Variants in ROS1 observed in about 807,000 individuals in gnomAD.
ROS1 encodes the protein ROS proto-oncogene 1, receptor tyrosine kinase.
Under a neutral mutation model 273.5 loss-of-function variants are expected in ROS1, and 263 were observed. The ratio of observed to expected loss-of-function variants is 0.96; its 90% CI spans 0.87 to 1.06. The LOEUF is 1.06. Among genes scored for constraint, ROS1 ranks in the 50% least tolerant of loss-of-function variants. The pLI is 0.00. For missense variants in ROS1, 2,833 were observed against 2,751.1 expected (o/e 1.03, Z -0.67); for synonymous variants, 1,008 against 954.1 (o/e 1.06, Z -1.04).
chr6:117,413,201 C>G (rs765978874), intron 4 of ROS1, among the ~76,000 whole-genome samples: 4 of 152,166 alleles, frequency 2.6e-5, no homozygotes, highest in African/African-American at 9.7e-5. Flanking sequence ...ATAATTTATA[C>G]TGCTTCCCCA....
chr6:117,403,088 A>T, intron 7 of ROS1, 51 bp downstream of exon 7: 1 of 1,597,046 alleles, frequency 6.3e-7, no homozygotes, highest in Non-Finnish European at 8.6e-7. Context: ...AACAAACTAA[A>T]TCAAAGCTTT....
rs370745969 is a variant in ROS1 at position 117,325,896 on chromosome 6, T to C, written c.5539+328A>G. 2.6e-4 allele frequency among the ~76,000 whole-genome samples: 39 copies of C among 151,900 alleles called. 1 individual carries two copies. In the East Asian group the frequency reaches 4.7e-3, roughly 18 times the overall value. On this transcript the variant is annotated intron_variant, in intron 34 of 43. Transcript: ENST00000368507. ...AGGAGTGGTCATAAGGCTGGTATAA[T>C]GTGAATAGAATTATATGGCTGGATA... is the stretch of plus-strand genomic sequence containing the variant.
In ROS1 at chr6:117,403,310, T is replaced by C. The variant is rs748646555; in HGVS notation, c.466-33A>G. 20 of 1,601,528 alleles carry C rather than the reference T, an allele frequency of 1.2e-5. No individual in the cohort carries two copies. The South Asian group carries it at 2.1e-4, about 17-fold the overall frequency. On this transcript the variant is annotated intron_variant, in intron 6 of 43. Transcript: ENST00000368507. ...AAGGAGTGATCAATCATCAGCATTA[T>C]AGAATCAGCACCCCACATTGGGACT...
At chr6:117,296,020 C>G (rs2128529107) in intron 43 of ROS1, among the ~76,000 whole-genome samples, 1 of 152,310 alleles carries the variant, frequency 6.6e-6, no homozygotes, top group Middle Eastern at 3.4e-3. Flanking sequence ...ATCAGTACAT[C>G]AAAGAGATAT....
rs754434264 is a variant in ROS1, at chr6:117,319,862, C to G, written c.5922+6G>C. ...ATGTGTCAAGGAGTTCGAAGATTCA[C>G]ATTACCTTCACTGCTACTTTGATTT... On this transcript the variant is annotated splice_donor_region_variant and intron_variant, in intron 37 of 43. Coordinates refer to ENST00000368507, the MANE Select transcript of ROS1 (RefSeq NM_001378902.1). 11 of 1,611,822 alleles carry G rather than the reference C, an allele frequency of 6.8e-6. No homozygotes were observed. The South Asian group carries it at 9.9e-5, about 15-fold the overall frequency.
chr6:117,301,388 T>C (rs565155014), intron 42 of ROS1: 20 of 319,972 alleles, frequency 6.3e-5, no homozygotes, highest in African/African-American at 2.4e-4. Flanking sequence ...AATAAATAGA[T>C]GGATAAGTAG....
At position 117,362,660 on chromosome 6, in the gene ROS1, G is replaced by A. The variant is rs749751690; in HGVS notation, c.3309C>T (p.Pro1103=). The A allele has an allele frequency of 8.1e-6, 13 of 1,613,182 alleles. No homozygotes were observed. Among genetic ancestry groups the A allele is most frequent in the Non-Finnish European group, 7.6e-6 (9 of 1,179,322 alleles). Reference sequence around the variant, plus strand: ...CTTCAAGTTGAAAAGACATCACTGAGGGAGTGACATTGACAGCAATCCAGT... The same window carrying A: ...CTTCAAGTTGAAAAGACATCACTGAAGGAGTGACATTGACAGCAATCCAGT... ...CEDWIAVNVT[P]SVMSFQLEGM... The change falls in exon 22 of 44, where the codon CCC becomes CCT. Residue 1103 remains proline, a synonymous_variant. Transcript: ENST00000368507.
rs1337321469 is a variant in ROS1, at chr6:117,317,192, A to G, written c.6068T>C (p.Met2023Thr). 1 of 1,613,448 alleles carries G rather than the reference A, an allele frequency of 6.2e-7. No homozygotes were observed. Among genetic ancestry groups the G allele is most frequent in the Non-Finnish European group, 8.5e-7 (1 of 1,179,626 alleles). The change falls in exon 39 of 44, where the codon ATG becomes ACG. Residue 2023 changes from methionine (M) to threonine (T), a missense_variant. Transcript: ENST00000368507. Reference sequence around the variant, plus strand: ...ATAAGTAAGAAGGTCTCCTCCCTCCATCAGTTCCAGGATAATGTATTGGGG... The same window carrying G: ...ATAAGTAAGAAGGTCTCCTCCCTCCGTCAGTTCCAGGATAATGTATTGGGG... ...NEPQYIILEL[M>T]EGGDLLTYLR...
chr6:117,339,517 G>C (rs1777751365), intron 31 of ROS1, among the ~76,000 whole-genome samples: 1 of 152,102 alleles, frequency 6.6e-6, no homozygotes, highest in Admixed American at 6.6e-5. Context: ...ATTTCCAGCT[G>C]TCCTGTCATT....
At chr6:117,393,195 G>T in intron 12 of ROS1, 29 bp downstream of exon 12, 1 of 1,247,352 alleles carries the variant, frequency 8.0e-7, no homozygotes, top group Non-Finnish European at 1.2e-6. Context: ...CAATGGAAGA[G>T]AATTCATCTT....
intron 27 of ROS1, among the ~76,000 whole-genome samples, chr6:117,349,261 A>G (rs1175579553): frequency 6.6e-6 from 1 of 151,932 alleles, no homozygotes; most frequent in African/African-American, 2.4e-5. Flanking sequence ...CTCTGTTGTT[A>G]GAGATATATG....
At chr6:117,374,111 A>G (rs1300776968) in intron 18 of ROS1, among the ~76,000 whole-genome samples, 1 of 152,214 alleles carries the variant, frequency 6.6e-6, no homozygotes, top group African/African-American at 2.4e-5. Context: ...AAATACCAGC[A>G]TCATTCTTCA....
At chr6:117,385,244 C>CA (rs967131901) in intron 16 of ROS1, among the ~76,000 whole-genome samples, 2 of 152,024 alleles carry the variant, frequency 1.3e-5, no homozygotes, top group Non-Finnish European at 2.9e-5. Context: ...ATTTAATTTA[C>CA]AAAAAAACAT....
Position 117,393,323 on chromosome 6 carries a change from TA to T in ROS1, c.1192-3del, listed in dbSNP as rs770718261. 5 of 1,540,350 alleles carry T rather than the reference TA, an allele frequency of 3.2e-6. No homozygotes were observed. The highest frequency in any genetic ancestry group is 1.1e-5 in the South Asian group (1 of 89,198). ...GTTCTCTAAATCACAGACACATACC[TA>T]AAAAAATAAAAAATATACCGGTAGG... On this transcript the variant is annotated splice_region_variant and splice_polypyrimidine_tract_variant and intron_variant, in intron 11 of 43. Coordinates refer to ENST00000368507, the MANE Select transcript of ROS1 (RefSeq NM_001378902.1).
rs572442110 is a variant in ROS1 at position 117,373,371 on chromosome 6, C to T, written c.2582+5688G>A. Among the ~76,000 whole-genome samples the T allele has an allele frequency of 4.9e-4, 75 of 152,368 alleles. 1 individual carries two copies. Among genetic ancestry groups the T allele is most frequent in the Non-Finnish European group, 6.0e-4 (41 of 68,032 alleles). On this transcript the variant is annotated intron_variant, in intron 18 of 43. Coordinates refer to ENST00000368507, the MANE Select transcript of ROS1 (RefSeq NM_001378902.1). The stretch of plus-strand genomic sequence containing the variant: ...ACCCATCAGGGAGGCTCGGGCTGCG[C>T]GGAAGCCCACCACGGGGGGACTTGG...
intron 18 of ROS1, among the ~76,000 whole-genome samples, chr6:117,367,392 T>A (rs1780357071): frequency 6.6e-6 from 1 of 152,216 alleles, no homozygotes; most frequent in Admixed American, 6.5e-5. Context: ...AGGACTCCAG[T>A]ACCTAGGCAC....
chr6:117,288,864 C>T (rs1238164979), intron 43 of ROS1, 62 bp from the exon 44 acceptor site: 2 of 1,299,680 alleles, frequency 1.5e-6, no homozygotes, highest in East Asian at 2.5e-5. Flanking sequence ...TAATAATATA[C>T]AAGCTATATC....
chr6:117,378,138 T>C (rs1781490450), intron 18 of ROS1, among the ~76,000 whole-genome samples: 1 of 152,180 alleles, frequency 6.6e-6, no homozygotes, highest in African/African-American at 2.4e-5. Context: ...TATAAACATC[T>C]ATCTACCCTA....
intron 18 of ROS1, among the ~76,000 whole-genome samples, chr6:117,375,206 A>T (rs1208701874): frequency 6.6e-6 from 1 of 152,238 alleles, no homozygotes. Flanking sequence ...AAAACCAAAA[A>T]GTACATTCTC....
Sources: gnomAD v4.1 joint callset for allele counts (sites outside exome capture counted in the v4.1 genomes callset) on GRCh38, gnomAD v4.1.1 for gene constraint, MANE v1.5 for transcripts, NCBI Gene and HGNC (gene_info 2026-07-23, HGNC 2026-07-21) for gene names.